Variants in KLF13 observed in about 807,000 individuals in gnomAD.
The protein encoded by KLF13 is KLF transcription factor 13.
KLF13 carries 8 observed loss-of-function variants against 16.7 expected under a neutral mutation model. The observed-to-expected ratio is 0.48, with a 90% CI of 0.28 to 0.87. The LOEUF (loss-of-function observed/expected upper bound fraction) is 0.87, where lower values mean the gene tolerates loss of function less well. KLF13 is among the 40% of genes least tolerant of loss of function. The probability of loss-of-function intolerance (pLI) is 0.10; values close to 1 mark genes in which losing one functional copy is unlikely to be tolerated. For missense variants in KLF13, 447 were observed against 452.2 expected, an observed-to-expected ratio of 0.99 and a Z score of 0.10; for synonymous variants, 245 against 208.4, an observed-to-expected ratio of 1.18 and a Z score of -1.51.
In KLF13 at chr15:31,374,133, G is replaced by T. The variant is rs1468337971; in HGVS notation, c.*1834G>T. On this transcript the variant is annotated 3_prime_UTR_variant, in exon 2 of 2. Coordinates refer to ENST00000307145, the MANE Select transcript of KLF13 (RefSeq NM_015995.4). ...CCCACAGCTGATGGTCACTGTTTTG[G>T]CTGGCTCCAGAGTGGACAGGTACGC... is the stretch of plus-strand genomic sequence containing the variant. 6.6e-6 allele frequency: 1 copy of T among 152,652 alleles called. No homozygotes were observed. The highest frequency in any genetic ancestry group is 1.5e-5 in the Non-Finnish European group (1 of 68,128). The allele number at this position is 152,652 out of a possible 1,614,324, so 9.5% of individuals were successfully genotyped here. A position where few individuals can be genotyped will look rare whatever the true frequency, so the allele number is the denominator to read the frequency against.
At chr15:31,427,600 G>A (rs1333870258) in intron 1 of KLF13, among the ~76,000 whole-genome samples, 2 of 152,122 alleles carry the variant, frequency 1.3e-5, no homozygotes, top group Non-Finnish European at 2.9e-5. Flanking sequence ...AAGCAAGTGT[G>A]GTATACACAT....
At chr15:31,414,225 T>C (rs1319664431) in intron 1 of KLF13, among the ~76,000 whole-genome samples, 1 of 152,008 alleles carries the variant, frequency 6.6e-6, no homozygotes, top group African/African-American at 2.4e-5. Flanking sequence ...CATAAAAATA[T>C]AGTGGGAAAA....
intron 1 of KLF13, chr15:31,420,242 C>A: frequency 1.5e-6 from 1 of 670,472 alleles, no homozygotes; most frequent in Non-Finnish European, 2.8e-6. Flanking sequence ...ACAGCAGGAG[C>A]TGATGACCCT....
At chr15:31,400,280 T>C (rs1194058375) in intron 2 of KLF13, among the ~76,000 whole-genome samples, 1 of 152,182 alleles carries the variant, frequency 6.6e-6, no homozygotes, top group African/African-American at 2.4e-5. Flanking sequence ...TTCATGCTTG[T>C]ATTTTAACTG....
At chr15:31,418,302 A>G (rs2040280759) in intron 1 of KLF13, among the ~76,000 whole-genome samples, 1 of 152,184 alleles carries the variant, frequency 6.6e-6, no homozygotes, top group Non-Finnish European at 1.5e-5. Context: ...AATTAGGAAA[A>G]CAAAATATCC....
chr15:31,327,810 G>T, intron 1 of KLF13, 21 bp downstream of exon 1: 2 of 1,442,550 alleles, frequency 1.4e-6, no homozygotes, highest in South Asian at 1.4e-5. Flanking sequence ...CGGCGCGGGC[G>T]CCCGGATCGC....
At position 31,376,519 on chromosome 15, in the gene KLF13, T is replaced by TG. The variant is rs1253567699; in HGVS notation, c.*4223dup. Reference sequence around the variant, plus strand: ...TTTTCCAAAGCTAAAATCTGAGGCGTGGGCTGATGGTTTTTGAAATCAGGA... The same window carrying TG: ...TTTTCCAAAGCTAAAATCTGAGGCGTGGGGCTGATGGTTTTTGAAATCAGGA... On this transcript the variant is annotated 3_prime_UTR_variant, in exon 2 of 2. Coordinates refer to ENST00000307145, the MANE Select transcript of KLF13 (RefSeq NM_015995.4). 1.3e-5 allele frequency: 2 copies of TG among 152,556 alleles called. No individual in the cohort carries two copies. The highest frequency in any genetic ancestry group is 4.8e-5 in the African/African-American group (2 of 41,440). 9.5% of individuals were successfully genotyped at this position (152,556 alleles called of 1,614,324 possible).
chr15:31,340,081 C>T, intron 1 of KLF13: 5 of 700,090 alleles, frequency 7.1e-6, no homozygotes, highest in Non-Finnish European at 1.3e-5. Flanking sequence ...AGCCTCTCTG[C>T]CTCTAGGCCT....
rs181971828 is a variant in KLF13, at chr15:31,355,789, A to G, written c.578-16221A>G. On this transcript the variant is annotated intron_variant, in intron 1 of 1. Transcript: ENST00000307145. ...CTTTCCCTTAGACTCAATAGTTGCC[A>G]TTTCTGCTTGGTTTTCCCAGTGCTG... Among the ~76,000 whole-genome samples the G allele has an allele frequency of 3.0e-3, 459 of 151,808 alleles. 3 individuals are homozygous for G. The highest frequency in any genetic ancestry group is 7.5e-3 in the South Asian group (36 of 4,804).
At chr15:31,348,018 C>T (rs532371508) in intron 1 of KLF13, among the ~76,000 whole-genome samples, 1 of 152,378 alleles carries the variant, frequency 6.6e-6, no homozygotes, top group South Asian at 2.1e-4. Flanking sequence ...CATGAGTCTG[C>T]CTCAGTGTGG....
At chr15:31,421,302 C>T (rs1471212650) in intron 1 of KLF13, among the ~76,000 whole-genome samples, 2 of 152,076 alleles carry the variant, frequency 1.3e-5, no homozygotes, top group Admixed American at 1.3e-4. Context: ...GGACACTTGA[C>T]AGCAACACAA....
At chr15:31,423,876 A>G (rs544343143) in intron 1 of KLF13, among the ~76,000 whole-genome samples, 1 of 152,122 alleles carries the variant, frequency 6.6e-6, no homozygotes, top group Non-Finnish European at 1.5e-5. Flanking sequence ...GTAGATCACA[A>G]ATATGGGGAA....
At chr15:31,419,454 A>C (rs904839736) in intron 1 of KLF13, among the ~76,000 whole-genome samples, 2 of 152,208 alleles carry the variant, frequency 1.3e-5, no homozygotes, top group Admixed American at 6.5e-5. Context: ...TGACAATATG[A>C]TCAAAGAGAC....
At chr15:31,363,762 A>G (rs1186050024) in intron 1 of KLF13, among the ~76,000 whole-genome samples, 1 of 152,258 alleles carries the variant, frequency 6.6e-6, no homozygotes, top group Non-Finnish European at 1.5e-5. Flanking sequence ...CTGGGATTAC[A>G]GGCATGAGCC....
At chr15:31,347,652 G>A (rs559071841) in intron 1 of KLF13, among the ~76,000 whole-genome samples, 7 of 152,334 alleles carry the variant, frequency 4.6e-5, no homozygotes, top group African/African-American at 1.7e-4. Context: ...TGTGACTTGG[G>A]AAGCCAAGGC....
chr15:31,412,325 G>A (rs1407335013), intron 1 of KLF13, among the ~76,000 whole-genome samples: 1 of 152,144 alleles, frequency 6.6e-6, no homozygotes, highest in Non-Finnish European at 1.5e-5. Flanking sequence ...CTGGTCTATG[G>A]TAATTTGTTA....
At chr15:31,371,970 G>A (rs1408825340) in intron 1 of KLF13, 40 bp from the exon 2 acceptor site, 1 of 1,548,942 alleles carries the variant, frequency 6.5e-7, no homozygotes, top group Non-Finnish European at 8.7e-7. Flanking sequence ...TGAAGGCGGG[G>A]CCAGGTGCGG....
chr15:31,412,890 G>A (rs538551213), intron 1 of KLF13, among the ~76,000 whole-genome samples: 1 of 152,156 alleles, frequency 6.6e-6, no homozygotes, highest in African/African-American at 2.4e-5. Flanking sequence ...GCCTAAACCA[G>A]GCTGGATAGT....
chr15:31,382,851 A>T (rs2039744061), downstream of KLF13, among the ~76,000 whole-genome samples: 1 of 152,206 alleles, frequency 6.6e-6, no homozygotes, highest in Admixed American at 6.5e-5. Flanking sequence ...TCAGAGACAG[A>T]CAGTACAAAG....
Sources: gnomAD v4.1 joint callset for allele counts (sites outside exome capture counted in the v4.1 genomes callset) on GRCh38, gnomAD v4.1.1 for gene constraint, MANE v1.5 for transcripts, NCBI Gene and HGNC (gene_info 2026-07-23, HGNC 2026-07-21) for gene names.